Variants in DSCAM observed in about 807,000 individuals in gnomAD.
The protein encoded by DSCAM is cell adhesion molecule DSCAM.
In DSCAM, 47 loss-of-function variants were observed where a neutral mutation model predicts 217.7. The observed-to-expected ratio is 0.22, with a 90% CI of 0.17 to 0.28. DSCAM has a LOEUF of 0.28. Ranked by LOEUF, DSCAM falls within the 10% of genes least tolerant of loss-of-function variation. DSCAM has a pLI of 1.00. For missense variants in DSCAM, 2,080 were observed against 2,618.3 expected (o/e 0.79, Z 4.49); for synonymous variants, 1,056 against 1,015.3 (o/e 1.04, Z -0.76).
intron 3 of DSCAM, among the ~76,000 whole-genome samples, chr21:40,561,873 C>T (rs2076723007): frequency 6.6e-6 from 1 of 152,192 alleles, no homozygotes; most frequent in African/African-American, 2.4e-5. Context: ...TTTGGGGGCC[C>T]TTTGTATACA....
chr21:40,517,280 GTATTTATA>G (rs2076309103), intron 3 of DSCAM, among the ~76,000 whole-genome samples: 1 of 148,062 alleles, frequency 6.8e-6, no homozygotes, highest in Non-Finnish European at 1.5e-5. Flanking sequence ...TTATATTTGT[GTATTTATA>G]TATTTATATA....
chr21:40,055,903 G>T, intron 28 of DSCAM, 63 bp from the exon 29 acceptor site: 1 of 1,234,602 alleles, frequency 8.1e-7, no homozygotes, highest in Non-Finnish European at 1.2e-6. Flanking sequence ...CTACCAACAT[G>T]CACCTGTATA....
chr21:40,593,459 G>A (rs2076998614), intron 3 of DSCAM, among the ~76,000 whole-genome samples: 1 of 152,014 alleles, frequency 6.6e-6, no homozygotes, highest in African/African-American at 2.4e-5. Context: ...TCGAGTAGCT[G>A]GGTCTACAGG....
chr21:40,626,958 C>T lies in DSCAM; in HGVS notation c.508+65852G>A, dbSNP rs115004486. Among the ~76,000 whole-genome samples the T allele has an allele frequency of 2.9e-3, 438 of 152,308 alleles. 2 individuals carry two copies. Among genetic ancestry groups the T allele is most frequent in the African/African-American group, 9.6e-3 (399 of 41,578 alleles). On this transcript the variant is annotated intron_variant, in intron 3 of 32. Transcript: ENST00000400454. ...CTTGAGTTTATGGATCTTTTCTTTA[C>T]GTATCAAGAAAACAACAACTAAAAT... is the stretch of plus-strand genomic sequence containing the variant.
intron 10 of DSCAM, among the ~76,000 whole-genome samples, chr21:40,285,367 A>G (rs1347613324): frequency 6.6e-6 from 1 of 152,212 alleles, no homozygotes; most frequent in African/African-American, 2.4e-5. Context: ...ATGAGGGGGA[A>G]AGATGGAGGA....
chr21:40,589,476 T>C (rs755730033), intron 3 of DSCAM, among the ~76,000 whole-genome samples: 24 of 152,024 alleles, frequency 1.6e-4, no homozygotes, highest in Non-Finnish European at 2.9e-4. Context: ...CTTGGGAGGC[T>C]GAAGCAGGAG....
chr21:40,364,682 A>T (rs1161434177), intron 4 of DSCAM, among the ~76,000 whole-genome samples: 1 of 96,274 alleles, frequency 1.0e-5, no homozygotes, highest in African/African-American at 3.8e-5. Context: ...GTACAATTAA[A>T]AAAAAGTGTA....
chr21:40,514,429 C>T (rs1401524248), intron 3 of DSCAM, among the ~76,000 whole-genome samples: 1 of 152,178 alleles, frequency 6.6e-6, no homozygotes, highest in Non-Finnish European at 1.5e-5. Context: ...CGAGAAAATG[C>T]TCCAGGCTTC....
chr21:40,756,724 C>A (rs554701137), intron 1 of DSCAM, among the ~76,000 whole-genome samples: 1 of 152,204 alleles, frequency 6.6e-6, no homozygotes, highest in East Asian at 1.9e-4. Context: ...CAAGAATAGA[C>A]AAATACACTG....
chr21:40,523,599 G>A (rs1228987413), intron 3 of DSCAM, among the ~76,000 whole-genome samples: 1 of 152,162 alleles, frequency 6.6e-6, no homozygotes, highest in Non-Finnish European at 1.5e-5. Context: ...TCCCCCATCT[G>A]CTGAGAGCTT....
chr21:40,715,835 G>A (rs2090835871), intron 1 of DSCAM, among the ~76,000 whole-genome samples: 1 of 151,854 alleles, frequency 6.6e-6, no homozygotes. Context: ...CTATCAACCC[G>A]ACTGTGGGTA....
chr21:40,812,949 C>T (rs1352590237), intron 1 of DSCAM, among the ~76,000 whole-genome samples: 2 of 152,166 alleles, frequency 1.3e-5, no homozygotes, highest in Non-Finnish European at 2.9e-5. Context: ...CTAAATTCAA[C>T]AATACGTATG....
intron 3 of DSCAM, among the ~76,000 whole-genome samples, chr21:40,489,079 G>A (rs1216229118): frequency 6.6e-6 from 1 of 152,202 alleles, no homozygotes; most frequent in African/African-American, 2.4e-5. Context: ...AAAATTTTGT[G>A]ATGGTTAATT....
intron 3 of DSCAM, among the ~76,000 whole-genome samples, chr21:40,652,463 T>G (rs765257154): frequency 6.6e-6 from 1 of 152,176 alleles, no homozygotes; most frequent in Non-Finnish European, 1.5e-5. Context: ...AAAAGCTATG[T>G]GATCAGCCAG....
chr21:40,564,007 G>A (rs1346332551), intron 3 of DSCAM, among the ~76,000 whole-genome samples: 4 of 152,130 alleles, frequency 2.6e-5, no homozygotes, highest in Admixed American at 2.6e-4. Flanking sequence ...CATGCAAAAG[G>A]CACGCGGCTG....
intron 3 of DSCAM, among the ~76,000 whole-genome samples, chr21:40,425,489 A>G (rs1401549312): frequency 6.6e-6 from 1 of 151,952 alleles, no homozygotes; most frequent in East Asian, 1.9e-4. Context: ...TGTACCTTAG[A>G]ACTTAAAGTA....
chr21:40,352,202 T>C lies in DSCAM; in HGVS notation c.934+1263A>G, dbSNP rs538891757. Among the ~76,000 whole-genome samples, 6 of 152,300 alleles carry C rather than the reference T, an allele frequency of 3.9e-5. No individual in the cohort carries two copies. The East Asian group carries it at 7.7e-4, about 20-fold the overall frequency. On this transcript the variant is annotated intron_variant, in intron 5 of 32. Coordinates refer to ENST00000400454, the MANE Select transcript of DSCAM (RefSeq NM_001389.5). ...GGGAAATACAACCAGACAGATTTGCTTGAGATGCCTTCAGTACTATCCTAA... is the reference window on the plus strand; with the variant it reads ...GGGAAATACAACCAGACAGATTTGCCTGAGATGCCTTCAGTACTATCCTAA...
intron 15 of DSCAM, among the ~76,000 whole-genome samples, chr21:40,176,414 A>T (rs1291102614): frequency 6.6e-6 from 1 of 152,034 alleles, no homozygotes; most frequent in Non-Finnish European, 1.5e-5. Context: ...CATATGAGGA[A>T]TAAGGGAACA....
chr21:40,615,281 C>T (rs77091679), intron 3 of DSCAM: 1 of 84,048 alleles, frequency 1.2e-5, no homozygotes, highest in Admixed American at 1.4e-4. Context: ...GACTCTGTCT[C>T]AAAAAAAAAA....
Sources: gnomAD v4.1 joint callset for allele counts (sites outside exome capture counted in the v4.1 genomes callset) on GRCh38, gnomAD v4.1.1 for gene constraint, MANE v1.5 for transcripts, NCBI Gene and HGNC (gene_info 2026-07-23, HGNC 2026-07-21) for gene names.